The following RBFOX1 variants were observed in gnomAD, a reference collection of about 807,000 sequenced individuals.
RBFOX1 encodes RNA binding protein fox-1 homolog 1.
A neutral mutation model predicts 57.7 loss-of-function variants in RBFOX1; 8 were observed. The observed-to-expected ratio is 0.14, with a 90% CI of 0.08 to 0.25. The LOEUF is 0.25. RBFOX1 is among the 10% of genes least tolerant of loss of function. The pLI, the probability that RBFOX1 is intolerant of heterozygous loss-of-function variation, is 1.00. For synonymous variants in RBFOX1, 326 were observed against 222.4 expected, an observed-to-expected ratio of 1.47 and a Z score of -4.15; for missense variants, 611 against 548.5, an observed-to-expected ratio of 1.11 and a Z score of -1.14.
chr16:6,874,771 T>C (rs892865290), intron 3 of RBFOX1, among the ~76,000 whole-genome samples: 3 of 152,088 alleles, frequency 2.0e-5, no homozygotes, highest in East Asian at 1.9e-4. Flanking sequence ...TCTTGGGACT[T>C]GAGGGGAAGG....
intron 8 of RBFOX1, among the ~76,000 whole-genome samples, chr16:7,596,162 TAAA>T (rs2094689664): frequency 1.9e-5 from 1 of 52,222 alleles, no homozygotes; most frequent in African/African-American, 3.4e-5. Flanking sequence ...AGGTTTTTAC[TAAA>T]CCTCTCGTTT....
intron 4 of RBFOX1, among the ~76,000 whole-genome samples, chr16:7,148,289 A>G (rs1463872576): frequency 6.6e-6 from 1 of 152,230 alleles, no homozygotes; most frequent in Non-Finnish European, 1.5e-5. Flanking sequence ...TATTATTTAC[A>G]AAGGAGTTTT....
In RBFOX1 at chr16:6,609,826, G is replaced by A. The variant is rs78270568; in HGVS notation, c.-63-44777G>A. Among the ~76,000 whole-genome samples, 414 of 152,102 alleles carry A rather than the reference G, an allele frequency of 2.7e-3. 9 individuals are homozygous for A. Among genetic ancestry groups the A allele is most frequent in the Admixed American group, 1.0e-3 (16 of 15,278 alleles). On this transcript the variant is annotated intron_variant, in intron 2 of 15. Coordinates refer to ENST00000550418, the MANE Select transcript of RBFOX1 (RefSeq NM_018723.4). ...AGGTCAAGACCATCCTGGCCAACAT[G>A]GTGAAACCCCATCTTTAGTAAATAT...
chr16:5,992,471 C>A (rs1443434172), intron 4 of RBFOX1, among the ~76,000 whole-genome samples: 2 of 152,142 alleles, frequency 1.3e-5, no homozygotes, highest in South Asian at 2.1e-4. Context: ...TTGACAGGAT[C>A]CCCCAACTTA....
intron 4 of RBFOX1, among the ~76,000 whole-genome samples, chr16:7,232,917 G>C (rs939547608): frequency 1.3e-5 from 2 of 151,068 alleles, no homozygotes; most frequent in African/African-American, 4.9e-5. Flanking sequence ...CATGATGTTA[G>C]CAAACCCTGT....
At chr16:5,921,836 G>A (rs567823125) in intron 4 of RBFOX1, among the ~76,000 whole-genome samples, 2 of 152,074 alleles carry the variant, frequency 1.3e-5, no homozygotes, top group South Asian at 2.1e-4. Context: ...GAGAGCAAGA[G>A]GGGGAGGAGC....
chr16:5,804,590 A>AGG lies in RBFOX1; in HGVS notation c.319-62710_319-62709dup, dbSNP rs1326725586. 2.6e-4 allele frequency among the ~76,000 whole-genome samples: 40 copies of AGG among 152,074 alleles called. 1 individual carries two copies. Among genetic ancestry groups the AGG allele is most frequent in the Non-Finnish European group, 1.5e-5 (1 of 68,006 alleles). ...ATTCCACCCAGATGGTGGGAGGTGA[A>AGG]GGGGACCTGCCCTCTGTGTGCTGCA... On this transcript the variant is annotated intron_variant, in intron 3 of 19. Coordinates refer to the RBFOX1 transcript ENST00000641259.
At chr16:5,465,560 C>T (rs1337114982) in intron 1 of RBFOX1, among the ~76,000 whole-genome samples, 1 of 152,154 alleles carries the variant, frequency 6.6e-6, no homozygotes. Context: ...TACCTGTTTT[C>T]AAATTGTGAC....
intron 3 of RBFOX1, among the ~76,000 whole-genome samples, chr16:7,001,837 A>G (rs1468576564): frequency 6.6e-6 from 1 of 152,120 alleles, no homozygotes; most frequent in East Asian, 1.9e-4. Flanking sequence ...TATTATTATT[A>G]CTTTAACTCT....
upstream of RBFOX1, among the ~76,000 whole-genome samples, chr16:6,017,027 C>G (rs1243527665): frequency 6.6e-6 from 1 of 152,176 alleles, no homozygotes. Context: ...AAGCCTATTT[C>G]TACTCTACAA....
intron 4 of RBFOX1, among the ~76,000 whole-genome samples, chr16:7,439,190 G>T (rs140981958): frequency 6.6e-6 from 1 of 152,072 alleles, no homozygotes; most frequent in South Asian, 2.1e-4. Flanking sequence ...CTTCACCATT[G>T]CAGGAGGCCT....
At chr16:6,163,748 C>T (rs17139483) in intron 1 of RBFOX1, among the ~76,000 whole-genome samples, 40,504 of 152,084 alleles carry the variant, frequency 0.27, 7,739 homozygotes, top group African/African-American at 0.54. Flanking sequence ...CAGTCTGACA[C>T]TGCAACCTAA....
intron 1 of RBFOX1, among the ~76,000 whole-genome samples, chr16:5,329,064 T>C (rs1459253421): frequency 6.6e-6 from 1 of 152,204 alleles, no homozygotes; most frequent in Non-Finnish European, 1.5e-5. Context: ...GTTTTACATA[T>C]ATTGTTTTAT....
At chr16:6,075,590 G>T (rs141478344) in intron 1 of RBFOX1, among the ~76,000 whole-genome samples, 21 of 152,272 alleles carry the variant, frequency 1.4e-4, no homozygotes, top group African/African-American at 4.8e-4. Context: ...TGTAATTCTT[G>T]TTACACATAC....
intron 4 of RBFOX1, among the ~76,000 whole-genome samples, chr16:7,204,407 T>TGAA (rs144688684): frequency 0.18 from 27,110 of 152,078 alleles, 2,598 homozygotes; most frequent in East Asian, 0.37. Flanking sequence ...TTTGAGAGGC[T>TGAA]GAAGTGGGAG....
At chr16:5,540,902 T>G (rs1387428702) in intron 2 of RBFOX1, among the ~76,000 whole-genome samples, 1 of 152,076 alleles carries the variant, frequency 6.6e-6, no homozygotes, top group Non-Finnish European at 1.5e-5. Context: ...CAGGCTGGAG[T>G]GCAGTGGTGT....
intron 1 of RBFOX1, among the ~76,000 whole-genome samples, chr16:6,229,836 A>G (rs2097445303): frequency 6.6e-6 from 1 of 152,074 alleles, no homozygotes; most frequent in Non-Finnish European, 1.5e-5. Context: ...GGTCTTTAAA[A>G]TTAAGAGTTT....
At chr16:5,319,243 G>T (rs1471470089) in intron 1 of RBFOX1, among the ~76,000 whole-genome samples, 1 of 152,216 alleles carries the variant, frequency 6.6e-6, no homozygotes, top group African/African-American at 2.4e-5. Flanking sequence ...GATGGAGAGG[G>T]CCATGTGGTA....
chr16:5,896,519 C>T (rs929131921), intron 4 of RBFOX1, among the ~76,000 whole-genome samples: 1 of 152,178 alleles, frequency 6.6e-6, no homozygotes, highest in Non-Finnish European at 1.5e-5. Flanking sequence ...TGAGTGGAAG[C>T]AGCCTGAGAC....
Sources: allele counts gnomAD v4.1 joint callset (sites outside exome capture counted in the v4.1 genomes callset), GRCh38; gene constraint gnomAD v4.1.1; transcripts MANE v1.5; gene names NCBI Gene and HGNC (gene_info 2026-07-23, HGNC 2026-07-21).